RPS6KA3: variants seen among roughly 807,000 people sequenced by gnomAD.
RPS6KA3 encodes the protein ribosomal protein S6 kinase A3, also known as ribosomal protein S6 kinase alpha-3.
RPS6KA3 carries 4 observed loss-of-function variants against 67.2 expected under a neutral mutation model. The ratio of observed to expected loss-of-function variants is 0.06; its 90% CI spans 0.03 to 0.14. The LOEUF (loss-of-function observed/expected upper bound fraction) is 0.14, where lower values mean the gene tolerates loss of function less well. Ranked by LOEUF, RPS6KA3 falls within the 10% of genes least tolerant of loss-of-function variation. The pLI is 1.00. For missense variants in RPS6KA3, 204 were observed against 559.0 expected, an observed-to-expected ratio of 0.36 and a Z score of 6.40; for synonymous variants, 182 against 183.7, an observed-to-expected ratio of 0.99 and a Z score of 0.07.
chrX:20,164,269 G>A (rs954470811), intron 18 of RPS6KA3, among the ~76,000 whole-genome samples: 12 of 111,373 alleles, frequency 1.1e-4, no homozygotes, highest in Non-Finnish European at 2.3e-4. Flanking sequence ...TGCTTATATT[G>A]GACCTATAAG....
chrX:20,224,228 T>C (rs1015270438), intron 2 of RPS6KA3, among the ~76,000 whole-genome samples: 25 of 111,238 alleles, frequency 2.2e-4, no homozygotes, highest in African/African-American at 7.2e-4. Context: ...GTAATTTGGT[T>C]TGGGGAAGGA....
chrX:20,179,603 G>A (rs1271275649), intron 10 of RPS6KA3, among the ~76,000 whole-genome samples: 1 of 111,446 alleles, frequency 9.0e-6, no homozygotes, highest in African/African-American at 3.3e-5. Context: ...ACAAAAACTC[G>A]ACTCACTGGA....
chrX:20,202,446 A>G (rs759952061), intron 4 of RPS6KA3, among the ~76,000 whole-genome samples: 2 of 111,766 alleles, frequency 1.8e-5, no homozygotes, highest in African/African-American at 6.5e-5. Flanking sequence ...ACTCCCCCCA[A>G]TAACACACTA....
At chrX:20,218,601 TAC>T (rs992498544) in intron 2 of RPS6KA3, among the ~76,000 whole-genome samples, 2 of 111,822 alleles carry the variant, frequency 1.8e-5, no homozygotes, top group African/African-American at 6.5e-5. Flanking sequence ...TGACAAAATA[TAC>T]AGAGTTGAAA....
chrX:20,166,459 C>T (rs2067437882), intron 17 of RPS6KA3, among the ~76,000 whole-genome samples: 1 of 111,284 alleles, frequency 9.0e-6, no homozygotes, highest in African/African-American at 3.3e-5. Context: ...TTAACACATT[C>T]TACTTGGCTT....
chrX:20,236,664 A>G (rs1185581973), intron 1 of RPS6KA3, among the ~76,000 whole-genome samples: 1 of 111,710 alleles, frequency 9.0e-6, no homozygotes, highest in Admixed American at 9.5e-5. Flanking sequence ...AGATGTTCCT[A>G]GATGAGGGAA....
At chrX:20,165,784 T>G (rs190555209) in intron 17 of RPS6KA3, among the ~76,000 whole-genome samples, 49 of 111,989 alleles carry the variant, frequency 4.4e-4, no homozygotes, top group African/African-American at 1.6e-3. Context: ...GTGTTACACA[T>G]GCAAGAAACC....
chrX:20,188,913 T>C (rs757185216), intron 7 of RPS6KA3, among the ~76,000 whole-genome samples: 1 of 112,455 alleles, frequency 8.9e-6, no homozygotes, highest in Non-Finnish European at 1.9e-5. Flanking sequence ...ATCAGACATG[T>C]CATTCTCTTG....
chrX:20,227,227 G>T (rs1412442961), intron 2 of RPS6KA3, among the ~76,000 whole-genome samples: 2 of 111,063 alleles, frequency 1.8e-5, no homozygotes, highest in Admixed American at 9.6e-5. Context: ...TAAGCTTACT[G>T]AATGAACTAG....
At chrX:20,237,952 T>C (rs1393526122) in intron 1 of RPS6KA3, among the ~76,000 whole-genome samples, 1 of 111,511 alleles carries the variant, frequency 9.0e-6, no homozygotes, top group Non-Finnish European at 1.9e-5. Context: ...AATTTTTCAT[T>C]ATATAGCAAC....
At chrX:20,179,627 A>G (rs916650627) in intron 10 of RPS6KA3, among the ~76,000 whole-genome samples, 2 of 111,904 alleles carry the variant, frequency 1.8e-5, no homozygotes, top group Admixed American at 1.9e-4. Context: ...TACCCCCACT[A>G]GGAAGTAACT....
intron 2 of RPS6KA3, among the ~76,000 whole-genome samples, chrX:20,224,833 G>C (rs1012118486): frequency 3.2e-4 from 36 of 111,457 alleles, no homozygotes; most frequent in African/African-American, 1.0e-3. Flanking sequence ...CATGAAGAGA[G>C]GGTGAGAGGC....
intron 2 of RPS6KA3, among the ~76,000 whole-genome samples, chrX:20,229,620 C>T (rs1394135632): frequency 3.6e-5 from 4 of 112,141 alleles, no homozygotes; most frequent in Non-Finnish European, 7.5e-5. Context: ...TACAACATCT[C>T]AACGTTCCCT....
intron 2 of RPS6KA3, among the ~76,000 whole-genome samples, chrX:20,212,235 T>C (rs1723117483): frequency 8.9e-6 from 1 of 111,980 alleles, no homozygotes; most frequent in East Asian, 2.8e-4. Context: ...CGGTGGCTCA[T>C]GCCTGTAATC....
chrX:20,193,047 G>A (rs1253158917), intron 7 of RPS6KA3, among the ~76,000 whole-genome samples: 1 of 112,043 alleles, frequency 8.9e-6, no homozygotes, highest in African/African-American at 3.2e-5. Flanking sequence ...GGAGGCTGAG[G>A]CAGGTGGATC....
At chrX:20,210,964 T>C (rs982887605) in intron 2 of RPS6KA3, among the ~76,000 whole-genome samples, 1 of 102,781 alleles carries the variant, frequency 9.7e-6, no homozygotes, top group African/African-American at 3.6e-5. Flanking sequence ...TAGCCATTAG[T>C]ACAACAGGAA....
chrX:20,150,182 C>T lies in RPS6KA3; in HGVS notation c.*5216G>A, dbSNP rs952371241. 3 of 113,600 alleles carry T rather than the reference C, an allele frequency of 2.6e-5. No homozygotes were observed. Among genetic ancestry groups the T allele is most frequent in the African/African-American group, 9.6e-5 (3 of 31,270 alleles). The allele number at this position is 113,600 out of a possible 1,213,427, so 9.4% of individuals were successfully genotyped here. ...GCATCTGATGCGATTTAACCACCAA[C>T]AAAAGGTACAATATGTAAGAATTCA... On this transcript the variant is annotated 3_prime_UTR_variant, in exon 22 of 22. Transcript: ENST00000379565.
At chrX:20,237,247 C>T (rs1007444187) in intron 1 of RPS6KA3, among the ~76,000 whole-genome samples, 1 of 111,221 alleles carries the variant, frequency 9.0e-6, no homozygotes, top group Non-Finnish European at 1.9e-5. Flanking sequence ...ATTCATCTAG[C>T]AGCCCAAACC....
rs374712907 is a variant in RPS6KA3, at chrX:20,225,243, G to GT, written c.126+9514dup. Among the ~76,000 whole-genome samples the GT allele has an allele frequency of 6.6e-3, 527 of 79,855 alleles. 5 individuals carry two copies. The highest frequency in any genetic ancestry group is 0.012 in the Middle Eastern group (2 of 163). The allele number at this position is 79,855 out of a possible 115,157, so 69.3% of individuals were successfully genotyped here. A position where few individuals can be genotyped will look rare whatever the true frequency, so the allele number is the denominator to read the frequency against. On this transcript the variant is annotated intron_variant, in intron 2 of 21. Coordinates refer to ENST00000379565, the MANE Select transcript of RPS6KA3 (RefSeq NM_004586.3). ...TAAAAAGGGGAGGTTTTTTTTTTTT[G>GT]TTTTTTTTTTTGTTTTTTTTTTTTT...
Sources: gnomAD v4.1 joint callset for allele counts (sites outside exome capture counted in the v4.1 genomes callset) on GRCh38, gnomAD v4.1.1 for gene constraint, MANE v1.5 for transcripts, NCBI Gene and HGNC (gene_info 2026-07-23, HGNC 2026-07-21) for gene names.